The following ZNF519 variants were observed in gnomAD, a reference collection of about 807,000 sequenced individuals.
ZNF519 encodes the protein zinc finger protein 519.
Under a neutral mutation model 7.4 loss-of-function variants are expected in ZNF519, and 7 were observed. That is an observed-to-expected ratio of 0.94 (90% CI 0.54 to 1.77). The LOEUF (loss-of-function observed/expected upper bound fraction) is 1.77. Among genes scored for constraint, ZNF519 ranks in the 40% most tolerant of loss-of-function variants. The pLI is 0.00. For missense variants in ZNF519, 586 were observed against 623.1 expected, an observed-to-expected ratio of 0.94 and a Z score of 0.63; for synonymous variants, 179 against 203.3, an observed-to-expected ratio of 0.88 and a Z score of 1.02.
rs139792217 is a variant in ZNF519 at position 14,087,015 on chromosome 18, T to C, written c.131-1939A>G. Among the ~76,000 whole-genome samples the C allele has an allele frequency of 1.2e-4, 19 of 152,126 alleles. No homozygotes were observed. In the East Asian group the frequency reaches 3.5e-3, roughly 28 times the overall value. On this transcript the variant is annotated intron_variant and NMD_transcript_variant, in intron 2 of 4. Coordinates refer to the ZNF519 transcript ENST00000587419. ...CAAAATACTAGCCAACTAAATCCCA[T>C]TGCACATCGTGAAGATTATTCACCA...
chr18:14,123,065 A>G (rs1222493728), intron 2 of ZNF519: 1 of 173,928 alleles, frequency 5.7e-6, no homozygotes, highest in Non-Finnish European at 1.3e-5. Context: ...TTCCTTCTTG[A>G]CCTTTGGTCC....
chr18:14,101,941 CAA>C lies in ZNF519; in HGVS notation c.*2974_*2975del, dbSNP rs2046164173. The C allele has an allele frequency of 5.1e-6, 2 of 391,608 alleles. No homozygotes were observed. The highest frequency in any genetic ancestry group is 2.1e-5 in the African/African-American group (1 of 48,428). The allele number at this position is 391,608 out of a possible 1,614,324, so 24.3% of individuals were successfully genotyped here. ...TAAATGCATGAAAGGCAGAGCTTTT[CAA>C]CATGAATAATTTTAAGACATATAAT... On this transcript the variant is annotated 3_prime_UTR_variant, in exon 3 of 3. Transcript: ENST00000590202.
chr18:14,093,008 T>C (rs2046120466), intron 2 of ZNF519, among the ~76,000 whole-genome samples: 2 of 152,220 alleles, frequency 1.3e-5, no homozygotes, highest in African/African-American at 2.4e-5. Flanking sequence ...TCTTCCTTTC[T>C]TAGAGATTAC....
At chr18:14,074,292 T>A (rs2046039029), downstream of ZNF519, 1 of 152,144 alleles carries the variant, frequency 6.6e-6, no homozygotes, top group Non-Finnish European at 1.5e-5. Context: ...ATTGAGAATT[T>A]CAGGATTCGG....
At chr18:14,081,153 T>C (rs1009736550) in intron 3 of ZNF519, among the ~76,000 whole-genome samples, 32 of 152,316 alleles carry the variant, frequency 2.1e-4, no homozygotes, top group African/African-American at 6.5e-4. Context: ...TAATGCAAAC[T>C]ATTGACTTTG....
intron 1 of ZNF519, among the ~76,000 whole-genome samples, chr18:14,127,190 T>C (rs887974381): frequency 9.9e-5 from 15 of 152,216 alleles, no homozygotes; most frequent in Non-Finnish European, 2.2e-4. Context: ...TACAGGATTC[T>C]GTTGACACCA....
intron 2 of ZNF519, among the ~76,000 whole-genome samples, chr18:14,085,311 C>G (rs1236922120): frequency 6.6e-6 from 1 of 151,932 alleles, no homozygotes; most frequent in African/African-American, 2.4e-5. Context: ...ATTTATGTTC[C>G]AAAGTGTAAA....
chr18:14,096,887 G>A (rs186356699), downstream of ZNF519, among the ~76,000 whole-genome samples: 7 of 152,248 alleles, frequency 4.6e-5, no homozygotes, highest in East Asian at 7.7e-4. Context: ...ACCCTATTCC[G>A]ACTTGCTGGG....
At chr18:14,108,838 C>T (rs1471393496) in intron 2 of ZNF519, among the ~76,000 whole-genome samples, 1 of 152,102 alleles carries the variant, frequency 6.6e-6, no homozygotes, top group Non-Finnish European at 1.5e-5. Flanking sequence ...TGCTTGTAAT[C>T]TCAGCACTTT....
At chr18:14,128,749 A>C (rs2046314938) in intron 1 of ZNF519, among the ~76,000 whole-genome samples, 1 of 150,482 alleles carries the variant, frequency 6.6e-6, no homozygotes, top group South Asian at 2.1e-4. Context: ...TATTTAACTG[A>C]TAAAAATGAT....
At chr18:14,071,483 A>G (rs2046028187), downstream of ZNF519, 1 of 152,202 alleles carries the variant, frequency 6.6e-6, no homozygotes, top group Non-Finnish European at 1.5e-5. Context: ...GCTCAGACTC[A>G]AGAAAATTAG....
chr18:14,110,881 G>C (rs1248139730), intron 2 of ZNF519, among the ~76,000 whole-genome samples: 3 of 152,224 alleles, frequency 2.0e-5, no homozygotes, highest in East Asian at 3.9e-4. Flanking sequence ...TAGACTTTGG[G>C]GACTTGAGGG....
At chr18:14,084,636 C>T (rs1402791105) in intron 3 of ZNF519, among the ~76,000 whole-genome samples, 1 of 152,062 alleles carries the variant, frequency 6.6e-6, no homozygotes, top group East Asian at 1.9e-4. Flanking sequence ...TCCCAGTCTC[C>T]CTCCCATTTC....
In ZNF519 at chr18:14,102,612, A is replaced by G. The variant is rs563114673; in HGVS notation, c.*2305T>C. ...TAGAGAATTACAATTTTAAACTATC[A>G]AAGGAAATGGTAAGGATACAAAATG... On this transcript the variant is annotated 3_prime_UTR_variant, in exon 3 of 3. Transcript: ENST00000590202. 48 of 152,294 alleles carry G rather than the reference A, an allele frequency of 3.2e-4. No individual in the cohort carries two copies. Among genetic ancestry groups the G allele is most frequent in the Middle Eastern group, 3.4e-3 (1 of 294 alleles). The allele number at this position is 152,294 out of a possible 1,614,324, so 9.4% of individuals were successfully genotyped here.
intron 2 of ZNF519, among the ~76,000 whole-genome samples, chr18:14,113,989 A>C (rs1245122408): frequency 6.6e-6 from 1 of 152,078 alleles, no homozygotes; most frequent in Non-Finnish European, 1.5e-5. Context: ...CAGATTATTA[A>C]ATTTTATCCT....
chr18:14,094,734 T>C (rs948345744), intron 2 of ZNF519, among the ~76,000 whole-genome samples: 2 of 152,172 alleles, frequency 1.3e-5, no homozygotes, highest in Non-Finnish European at 2.9e-5. Flanking sequence ...GCCTATAGTT[T>C]TTTTGTTTCT....
chr18:14,088,416 T>G (rs1408942363), intron 2 of ZNF519, among the ~76,000 whole-genome samples: 1 of 152,194 alleles, frequency 6.6e-6, no homozygotes, highest in Admixed American at 6.5e-5. Flanking sequence ...GATTTCACTT[T>G]ACCATCATAT....
chr18:14,085,860 A>G (rs995380593), intron 2 of ZNF519, among the ~76,000 whole-genome samples: 2 of 152,204 alleles, frequency 1.3e-5, no homozygotes, highest in Admixed American at 6.5e-5. Flanking sequence ...TGCAGCCCCA[A>G]TAGGACAGTC....
chr18:14,074,139 C>T (rs1412499192), downstream of ZNF519: 1 of 152,160 alleles, frequency 6.6e-6, no homozygotes, highest in Admixed American at 6.5e-5. Context: ...GAAGTGTAGA[C>T]TGCATCATTC....
Sources: gnomAD v4.1 joint callset for allele counts (sites outside exome capture counted in the v4.1 genomes callset) on GRCh38, gnomAD v4.1.1 for gene constraint, MANE v1.5 for transcripts, NCBI Gene and HGNC (gene_info 2026-07-23, HGNC 2026-07-21) for gene names.